Variants in TBC1D32 observed in about 807,000 individuals in gnomAD.
TBC1D32 encodes the protein protein broad-minded.
TBC1D32 carries 151 observed loss-of-function variants against 170.3 expected under a neutral mutation model. The observed-to-expected ratio is 0.89, with a 90% CI of 0.78 to 1.01. The LOEUF is 1.01. TBC1D32 is among the 50% of genes least tolerant of loss of function. The pLI, the probability that TBC1D32 is intolerant of heterozygous loss-of-function variation, is 0.00. For synonymous variants in TBC1D32, 498 were observed against 488.0 expected, an observed-to-expected ratio of 1.02 and a Z score of -0.27; for missense variants, 1,464 against 1,457.1, an observed-to-expected ratio of 1.00 and a Z score of -0.08.
chr6:121,280,970 T>C (rs924391683), intron 14 of TBC1D32, among the ~76,000 whole-genome samples: 1 of 151,846 alleles, frequency 6.6e-6, no homozygotes, highest in Admixed American at 6.6e-5. Context: ...CTAGTGACAA[T>C]AGCAACTCTG....
chr6:121,203,617 C>G (rs1791873733), intron 22 of TBC1D32, among the ~76,000 whole-genome samples: 1 of 151,120 alleles, frequency 6.6e-6, no homozygotes, highest in South Asian at 2.1e-4. Context: ...TTTAATTTTT[C>G]ATATCAATTA....
intron 1 of TBC1D32, among the ~76,000 whole-genome samples, chr6:121,323,801 G>A (rs959893532): frequency 5.3e-5 from 8 of 152,204 alleles, no homozygotes; most frequent in East Asian, 1.9e-4. Context: ...TTAGCTGGGC[G>A]TGGTGGCATG....
intron 3 of TBC1D32, among the ~76,000 whole-genome samples, chr6:121,315,921 T>C (rs1438295274): frequency 6.6e-6 from 1 of 152,164 alleles, no homozygotes; most frequent in Admixed American, 6.6e-5. Context: ...CCATGCCTTC[T>C]TGATGGGCAG....
At chr6:121,086,309 C>T (rs541550585) in intron 31 of TBC1D32, among the ~76,000 whole-genome samples, 1 of 152,192 alleles carries the variant, frequency 6.6e-6, no homozygotes, top group East Asian at 1.9e-4. Flanking sequence ...AATTTGAAAC[C>T]AGATAGAATC....
intron 24 of TBC1D32, among the ~76,000 whole-genome samples, chr6:121,144,817 A>C (rs1783212170): frequency 6.6e-6 from 1 of 152,200 alleles, no homozygotes; most frequent in African/African-American, 2.4e-5. Flanking sequence ...AGAACTGACT[A>C]TGGGGCATTC....
At chr6:121,176,846 C>T (rs1021384796) in intron 22 of TBC1D32, among the ~76,000 whole-genome samples, 1 of 152,132 alleles carries the variant, frequency 6.6e-6, no homozygotes. Context: ...ATCTGCCCAC[C>T]CGCCTCAGCC....
At chr6:121,089,588 T>C (rs1009542256) in intron 31 of TBC1D32, among the ~76,000 whole-genome samples, 4 of 152,220 alleles carry the variant, frequency 2.6e-5, no homozygotes, top group African/African-American at 9.6e-5. Flanking sequence ...TTCCTCTACA[T>C]GTGCAATCAT....
chr6:121,205,753 A>C (rs1389893560), intron 21 of TBC1D32, among the ~76,000 whole-genome samples: 1 of 152,088 alleles, frequency 6.6e-6, no homozygotes, highest in Non-Finnish European at 1.5e-5. Context: ...TAGGGGTGGG[A>C]ATCTGGCATC....
At chr6:121,183,407 G>A (rs1788789138) in intron 22 of TBC1D32, among the ~76,000 whole-genome samples, 1 of 152,134 alleles carries the variant, frequency 6.6e-6, no homozygotes, top group African/African-American at 2.4e-5. Flanking sequence ...CAAAGCTTTA[G>A]AGGCACGGCA....
intron 17 of TBC1D32, among the ~76,000 whole-genome samples, chr6:121,251,175 C>T (rs1798242103): frequency 6.6e-6 from 1 of 151,942 alleles, no homozygotes; most frequent in Admixed American, 6.6e-5. Context: ...TGATTCAATG[C>T]TATTCCCATC....
chr6:121,155,414 T>C (rs1039653059), intron 24 of TBC1D32, among the ~76,000 whole-genome samples: 1 of 152,180 alleles, frequency 6.6e-6, no homozygotes, highest in East Asian at 1.9e-4. Context: ...ATCCTAGGGT[T>C]TTCTATGTAT....
At chr6:121,212,167 A>C in intron 21 of TBC1D32, among the ~76,000 whole-genome samples, 1 of 152,118 alleles carries the variant, frequency 6.6e-6, no homozygotes, top group East Asian at 1.9e-4. Context: ...CCCAAGACTG[A>C]ACCAGGAACA....
At chr6:121,265,527 C>T (rs1326992628) in intron 15 of TBC1D32, among the ~76,000 whole-genome samples, 1 of 151,588 alleles carries the variant, frequency 6.6e-6, no homozygotes, top group Non-Finnish European at 1.5e-5. Context: ...ATCAAACTAC[C>T]ATTGACATTC....
intron 17 of TBC1D32, among the ~76,000 whole-genome samples, chr6:121,247,469 C>T (rs1797752051): frequency 6.6e-6 from 1 of 151,366 alleles, no homozygotes; most frequent in Non-Finnish European, 1.5e-5. Context: ...TACCTCACAT[C>T]TCAATATTAA....
chr6:121,280,304 C>T (rs1802802073), intron 14 of TBC1D32, among the ~76,000 whole-genome samples: 1 of 151,608 alleles, frequency 6.6e-6, no homozygotes, highest in Non-Finnish European at 1.5e-5. Flanking sequence ...TCTGTCTTGC[C>T]TATTACAGTA....
chr6:121,233,630 C>A (rs1563005669), intron 20 of TBC1D32, among the ~76,000 whole-genome samples: 1 of 152,070 alleles, frequency 6.6e-6, no homozygotes, highest in African/African-American at 2.4e-5. Flanking sequence ...CTGAAGATAG[C>A]AGTACCTTGG....
chr6:121,085,322 T>C (rs563099290), intron 31 of TBC1D32, among the ~76,000 whole-genome samples: 1,648 of 100,756 alleles, frequency 0.016, 6 homozygotes, highest in Middle Eastern at 0.035. Flanking sequence ...TATATACACA[T>C]ATATATATAC....
At chr6:121,139,334 T>A (rs1229289920) in intron 24 of TBC1D32, among the ~76,000 whole-genome samples, 2 of 152,232 alleles carry the variant, frequency 1.3e-5, no homozygotes, top group Non-Finnish European at 2.9e-5. Flanking sequence ...ACAGTCCATC[T>A]CATTCTCCCC....
chr6:121,290,680 G>C (rs1295583670), intron 12 of TBC1D32, among the ~76,000 whole-genome samples: 9 of 152,078 alleles, frequency 5.9e-5, no homozygotes, highest in Non-Finnish European at 5.9e-5. Context: ...AAATCATGCT[G>C]CTATAAAGAC....
Sources: gnomAD v4.1 joint callset for allele counts (sites outside exome capture counted in the v4.1 genomes callset) on GRCh38, gnomAD v4.1.1 for gene constraint, MANE v1.5 for transcripts, NCBI Gene and HGNC (gene_info 2026-07-23, HGNC 2026-07-21) for gene names.